The following UTY variants were observed in gnomAD, a reference collection of about 807,000 sequenced individuals.
UTY encodes histone demethylase UTY.
UTY carries 12 observed loss-of-function variants against 32.5 expected under a neutral mutation model. The observed-to-expected ratio is 0.37, with a 90% CI of 0.24 to 0.60. UTY has a LOEUF of 0.60. Among genes scored for constraint, UTY ranks in the 20% least tolerant of loss-of-function variants. The pLI, the probability that UTY is intolerant of heterozygous loss-of-function variation, is 0.69. For missense variants in UTY, 303 were observed against 299.2 expected (o/e 1.01, Z -0.09); for synonymous variants, 131 against 103.4 (o/e 1.27, Z -1.62).
At chrY:13,321,023 C>T in intron 21 of UTY, among the ~76,000 whole-genome samples, 1 of 32,824 alleles carries the variant, frequency 3.0e-5, no homozygotes, top group African/African-American at 1.2e-4. Context: ...ATTCAACCAA[C>T]TCATAGGTAT....
chrY:13,347,455 C>T, intron 17 of UTY, among the ~76,000 whole-genome samples: 3 of 33,136 alleles, frequency 9.1e-5, no homozygotes, highest in African/African-American at 3.5e-4. Context: ...GGTACGGTGG[C>T]TCATGTCTGT....
At chrY:13,306,497 T>C in intron 21 of UTY, among the ~76,000 whole-genome samples, 2 of 33,467 alleles carry the variant, frequency 6.0e-5, no homozygotes, top group East Asian at 1.5e-3. Context: ...TCAGGTATTA[T>C]ACTAATTTAT....
chrY:13,234,232 T>C (rs2053831665), downstream of UTY, among the ~76,000 whole-genome samples: 2 of 34,598 alleles, frequency 5.8e-5, no homozygotes, highest in South Asian at 6.3e-4. Flanking sequence ...GCATGCTGGC[T>C]GCTGCACAAG....
intron 4 of UTY, among the ~76,000 whole-genome samples, chrY:13,423,319 A>G: frequency 3.0e-5 from 1 of 33,413 alleles, no homozygotes; most frequent in African/African-American, 1.2e-4. Context: ...CACAGACATA[A>G]TACGGCTGCA....
At chrY:13,302,413 CAG>C (rs1187322907) in intron 25 of UTY, among the ~76,000 whole-genome samples, 7 of 33,979 alleles carry the variant, frequency 2.1e-4, no homozygotes. Context: ...ATTACCACGG[CAG>C]AGACTAGTTC....
At chrY:13,296,026 T>C (rs779741725) in intron 27 of UTY, among the ~76,000 whole-genome samples, 18 of 33,352 alleles carry the variant, frequency 5.4e-4, no homozygotes, top group Admixed American at 3.7e-3. Context: ...CACACCTCCA[T>C]TGGGCAGTGT....
At chrY:13,396,729 A>G in intron 7 of UTY, 189 bp downstream of exon 7, 1 of 107,521 alleles carries the variant, frequency 9.3e-6, no homozygotes, top group Non-Finnish European at 1.8e-5. Context: ...ATCAAATAAT[A>G]ATACTGACTG....
chrY:13,311,367 G>A, intron 21 of UTY, among the ~76,000 whole-genome samples: 1 of 32,499 alleles, frequency 3.1e-5, no homozygotes, highest in Non-Finnish European at 7.6e-5. Context: ...AGACCGAGGC[G>A]GGCGGATCAC....
chrY:13,401,529 A>G (rs754470111), intron 6 of UTY, among the ~76,000 whole-genome samples: 13 of 33,702 alleles, frequency 3.9e-4, no homozygotes, highest in Non-Finnish European at 8.8e-4. Context: ...TAAATATATG[A>G]GAACACAGGC....
intron 8 of UTY, among the ~76,000 whole-genome samples, chrY:13,388,035 T>C (rs776372456): frequency 2.9e-5 from 1 of 33,990 alleles, no homozygotes; most frequent in African/African-American, 1.1e-4. Flanking sequence ...ACATTTTTCA[T>C]TTTTTTCATC....
intron 4 of UTY, among the ~76,000 whole-genome samples, chrY:13,423,927 T>C: frequency 3.0e-5 from 1 of 33,322 alleles, no homozygotes; most frequent in Non-Finnish European, 7.4e-5. Context: ...GGCATTCTGA[T>C]TGCCCCAACC....
At chrY:13,405,161 T>G (rs891989297) in intron 6 of UTY, among the ~76,000 whole-genome samples, 4 of 32,816 alleles carry the variant, frequency 1.2e-4, no homozygotes, top group Non-Finnish European at 3.0e-4. Flanking sequence ...TTCAAATGCA[T>G]GTAGTTACAA....
chrY:13,345,170 G>C, intron 17 of UTY, among the ~76,000 whole-genome samples: 2 of 33,038 alleles, frequency 6.1e-5, no homozygotes, highest in South Asian at 1.4e-3. Flanking sequence ...GTTGTTGCAG[G>C]TATCACACCT....
chrY:13,351,372 T>C (rs2062383970), intron 17 of UTY, among the ~76,000 whole-genome samples: 1 of 33,375 alleles, frequency 3.0e-5, no homozygotes, highest in African/African-American at 1.2e-4. Context: ...AAGTAATAAT[T>C]GTTTTTTCCC....
intron 2 of UTY, among the ~76,000 whole-genome samples, chrY:13,472,098 G>T (rs2078556398): frequency 3.1e-5 from 1 of 32,011 alleles, no homozygotes; most frequent in Non-Finnish European, 7.6e-5. Context: ...TTTATATATT[G>T]TATTCAGCAG....
chrY:13,411,245 C>T, intron 5 of UTY, 132 bp from the exon 6 acceptor site: 1 of 147,255 alleles, frequency 6.8e-6, no homozygotes, highest in Non-Finnish European at 1.1e-5. Flanking sequence ...TATGAATGAA[C>T]GGAAAAGATT....
intron 3 of UTY, among the ~76,000 whole-genome samples, chrY:13,464,163 T>G: frequency 5.9e-5 from 2 of 34,020 alleles, no homozygotes; most frequent in African/African-American, 2.3e-4. Flanking sequence ...AAAGATCATA[T>G]GACATATATG....
intron 3 of UTY, among the ~76,000 whole-genome samples, chrY:13,449,407 AT>A (rs2076146797): frequency 3.0e-5 from 1 of 33,148 alleles, no homozygotes; most frequent in Admixed American, 2.8e-4. Flanking sequence ...TTCTAGAAAG[AT>A]AAAAATTCAG....
intron 27 of UTY, among the ~76,000 whole-genome samples, chrY:13,284,226 C>T: frequency 6.0e-5 from 2 of 33,375 alleles, no homozygotes; most frequent in Admixed American, 2.7e-4. Flanking sequence ...AGTTTATGTG[C>T]AAGGTGTATA....
Sources: allele counts gnomAD v4.1 joint callset (sites outside exome capture counted in the v4.1 genomes callset), GRCh38; gene constraint gnomAD v4.1.1; transcripts MANE v1.5; gene names NCBI Gene and HGNC (gene_info 2026-07-23, HGNC 2026-07-21).